Variants in SGSM1 observed in about 807,000 individuals in gnomAD.
SGSM1 encodes the protein small G protein signaling modulator 1, also known as RUN and TBC1 domain containing 2.
SGSM1 carries 73 observed loss-of-function variants against 133.8 expected under a neutral mutation model. That is an observed-to-expected ratio of 0.55 (90% CI 0.45 to 0.66). The LOEUF (loss-of-function observed/expected upper bound fraction) is 0.66, where lower values mean the gene tolerates loss of function less well. Ranked by LOEUF, SGSM1 falls within the 30% of genes least tolerant of loss-of-function variation. SGSM1 has a pLI of 0.00. For missense variants in SGSM1, 1,213 were observed against 1,448.1 expected (o/e 0.84, Z 2.64); for synonymous variants, 563 against 573.0 (o/e 0.98, Z 0.25).
intron 12 of SGSM1, among the ~76,000 whole-genome samples, chr22:24,872,346 G>C (rs1266004233): frequency 6.6e-6 from 1 of 152,112 alleles, no homozygotes; most frequent in East Asian, 1.9e-4. Context: ...GGCATTTTCA[G>C]ACCCCTCTGC....
Position 24,908,751 on chromosome 22 carries a change from G to T in SGSM1, c.2818+3564G>T, listed in dbSNP as rs558817974. Among the ~76,000 whole-genome samples, 60 of 150,902 alleles carry T rather than the reference G, an allele frequency of 4.0e-4. 1 individual carries two copies. The highest frequency in any genetic ancestry group is 2.8e-4 in the Non-Finnish European group (19 of 67,870). ...CAGGAGGCAGAGCTTGCAGTGAGCCGAGATCGCGCCACTGCACTCCAGCCT... is the reference window on the plus strand; with the variant it reads ...CAGGAGGCAGAGCTTGCAGTGAGCCTAGATCGCGCCACTGCACTCCAGCCT... On this transcript the variant is annotated intron_variant, in intron 21 of 24. Coordinates refer to ENST00000400358, the MANE Select transcript of SGSM1 (RefSeq NM_001098497.3).
In SGSM1 at chr22:24,898,394, G is replaced by A. The variant is rs756608466; in HGVS notation, c.2445G>A (p.Glu815=). 54 of 1,613,750 alleles carry A rather than the reference G, an allele frequency of 3.3e-5. No homozygotes were observed. The Middle Eastern group carries it at 6.6e-4, about 20-fold the overall frequency. Residue 815 remains glutamate, a synonymous_variant, in exon 19 of 25, where the codon GAG becomes GAA. Coordinates refer to ENST00000400358, the MANE Select transcript of SGSM1 (RefSeq NM_001098497.3). ...ALPEKDDVVM[E]GWRSSETEKH... ...CTGAAAAGGACGATGTTGTGATGGA[G>A]GGCTGGAGGAGCAGCGAGACAGAGA...
chr22:24,807,888 C>CGTGTGTGT lies in SGSM1; in HGVS notation c.63+1421_63+1428dup, dbSNP rs71189301. Among the ~76,000 whole-genome samples, 206 of 147,768 alleles carry CGTGTGTGT rather than the reference C, an allele frequency of 1.4e-3. 1 individual carries two copies. The highest frequency in any genetic ancestry group is 4.7e-3 in the African/African-American group (189 of 40,178). On this transcript the variant is annotated intron_variant, in intron 2 of 24. Coordinates refer to ENST00000400358, the MANE Select transcript of SGSM1 (RefSeq NM_001098497.3). ...CTCCGGGAGCATGAGTATGTGCCTG[C>CGTGTGTGT]GTGTGTGTGTGTGTGTGTGTGTGTC...
Position 24,926,890 on chromosome 22 carries a change from ATGCT to A in SGSM1, c.*2622_*2625del, listed in dbSNP as rs1001659928. ...TTTTTTTTTAATTTGAAAGAAAAAA[ATGCT>A]TGCTTCTGAGGACTGTGTCCTCCCA... is the stretch of plus-strand genomic sequence containing the variant. On this transcript the variant is annotated 3_prime_UTR_variant, in exon 25 of 25. Coordinates refer to ENST00000400358, the MANE Select transcript of SGSM1 (RefSeq NM_001098497.3). 6.6e-6 allele frequency: 1 copy of A among 151,810 alleles called. No homozygotes were observed. Among genetic ancestry groups the A allele is most frequent in the Non-Finnish European group, 1.5e-5 (1 of 67,938 alleles). The allele number at this position is 151,810 out of a possible 1,614,324, so 9.4% of individuals were successfully genotyped here.
At chr22:24,860,909 A>AT (rs1931088224) in intron 9 of SGSM1, among the ~76,000 whole-genome samples, 92 of 107,246 alleles carry the variant, frequency 8.6e-4, no homozygotes, top group South Asian at 3.7e-3. Context: ...AAAAAAAAAA[A>AT]AAAAAAAAAA....
chr22:24,820,916 CAGTGGGGAGAGAG>C (rs1928431014), intron 2 of SGSM1, among the ~76,000 whole-genome samples: 1 of 152,208 alleles, frequency 6.6e-6, no homozygotes, highest in Non-Finnish European at 1.5e-5. Context: ...AACAGCAATG[CAGTGGGGAGAGAG>C]AGGTTGGGAT....
intron 2 of SGSM1, among the ~76,000 whole-genome samples, chr22:24,832,946 T>C (rs1929201623): frequency 1.3e-5 from 2 of 151,962 alleles, no homozygotes; most frequent in South Asian, 2.1e-4. Flanking sequence ...TCCTCTTTTT[T>C]TTTTTTCAGA....
intron 17 of SGSM1, among the ~76,000 whole-genome samples, chr22:24,894,130 G>C (rs1392885026): frequency 1.3e-5 from 2 of 152,202 alleles, no homozygotes; most frequent in Non-Finnish European, 2.9e-5. Context: ...TTGACTGAGG[G>C]TGGTGGCTCA....
intron 22 of SGSM1, among the ~76,000 whole-genome samples, chr22:24,914,866 A>G (rs1171928547): frequency 6.6e-6 from 1 of 152,000 alleles, no homozygotes; most frequent in Non-Finnish European, 1.5e-5. Context: ...GTGGTCATTT[A>G]GGCTGTTTTT....
At chr22:24,883,936 G>A (rs1601952840) in intron 14 of SGSM1, 117 bp from the exon 15 acceptor site, 3 of 1,271,496 alleles carry the variant, frequency 2.4e-6, no homozygotes, top group East Asian at 5.2e-5. Flanking sequence ...GCAAGACTCT[G>A]TCTCAAAACA....
At chr22:24,816,400 ATTTCTTTTTTTTC>A (rs1449797791) in intron 2 of SGSM1, among the ~76,000 whole-genome samples, 3 of 142,986 alleles carry the variant, frequency 2.1e-5, no homozygotes, top group African/African-American at 7.6e-5. Context: ...TAAAAAATTG[ATTTCTTTTTTTTC>A]TTTCTTTTTT....
At chr22:24,846,846 G>GTT (rs1015538854) in intron 3 of SGSM1, among the ~76,000 whole-genome samples, 11 of 145,708 alleles carry the variant, frequency 7.5e-5, no homozygotes, top group South Asian at 2.2e-4. Context: ...GTTTTTTGGG[G>GTT]TTTTTTTTTT....
In SGSM1 at chr22:24,872,710, A is replaced by G. The variant is rs1010990541; in HGVS notation, c.1291+3855A>G. On this transcript the variant is annotated intron_variant, in intron 12 of 24. Transcript: ENST00000400358. ...GAGGCAGGCAGATCACGAGGTCAGGAGATTCGAGACCATCCTGGCTAACAC... is the reference window on the plus strand; with the variant it reads ...GAGGCAGGCAGATCACGAGGTCAGGGGATTCGAGACCATCCTGGCTAACAC... 2.6e-5 allele frequency among the ~76,000 whole-genome samples: 4 copies of G among 152,204 alleles called. No individual in the cohort carries two copies. In the South Asian group the frequency reaches 6.2e-4, roughly 24 times the overall value.
chr22:24,828,392 G>A (rs1928913404), intron 2 of SGSM1, among the ~76,000 whole-genome samples: 1 of 152,128 alleles, frequency 6.6e-6, no homozygotes, highest in Non-Finnish European at 1.5e-5. Flanking sequence ...GCACGTAGAG[G>A]ATGTTCAAGT....
chr22:24,882,372 G>A (rs1456187056), intron 14 of SGSM1, among the ~76,000 whole-genome samples: 1 of 152,038 alleles, frequency 6.6e-6, no homozygotes, highest in East Asian at 1.9e-4. Flanking sequence ...GCCCCGCCCT[G>A]TTTTTTATTT....
At chr22:24,819,469 G>A (rs1883995) in intron 2 of SGSM1, among the ~76,000 whole-genome samples, 104,895 of 151,986 alleles carry the variant, frequency 0.69, 36,584 homozygotes, top group East Asian at 0.92. Flanking sequence ...TGTCAAAAGA[G>A]AGCAAACCCA....
At chr22:24,837,116 G>A (rs566277451) in intron 2 of SGSM1, among the ~76,000 whole-genome samples, 1 of 152,216 alleles carries the variant, frequency 6.6e-6, no homozygotes, top group African/African-American at 2.4e-5. Flanking sequence ...TGGGCCCGGG[G>A]GACCACTACC....
Position 24,841,475 on chromosome 22 carries a change from G to A in SGSM1, c.64-3422G>A, listed in dbSNP as rs368970450. ...CTGTACATATCTGTTAAGTCCAGTT[G>A]TTGGTTTATAGTGTAGCTCAAGGCC... On this transcript the variant is annotated intron_variant, in intron 2 of 24. Coordinates refer to ENST00000400358, the MANE Select transcript of SGSM1 (RefSeq NM_001098497.3). 2.6e-5 allele frequency among the ~76,000 whole-genome samples: 4 copies of A among 152,362 alleles called. No individual in the cohort carries two copies. In the East Asian group the frequency reaches 5.8e-4, roughly 22 times the overall value.
At chr22:24,866,656 G>A (rs1235937294) in intron 9 of SGSM1, among the ~76,000 whole-genome samples, 1 of 152,138 alleles carries the variant, frequency 6.6e-6, no homozygotes, top group Non-Finnish European at 1.5e-5. Context: ...TCAGACTTCT[G>A]CCCTTACCAC....
Sources: allele counts gnomAD v4.1 joint callset (sites outside exome capture counted in the v4.1 genomes callset), GRCh38; gene constraint gnomAD v4.1.1; transcripts MANE v1.5; gene names NCBI Gene and HGNC (gene_info 2026-07-23, HGNC 2026-07-21).